The following ENKUR variants were observed in gnomAD, a reference collection of about 807,000 sequenced individuals.
ENKUR encodes the protein enkurin, TRPC channel interacting protein.
In ENKUR, 19 loss-of-function variants were observed where a neutral mutation model predicts 27.6. The observed-to-expected ratio is 0.69, with a 90% CI of 0.48 to 1.01. The LOEUF (loss-of-function observed/expected upper bound fraction) is 1.01, where lower values mean the gene tolerates loss of function less well. Ranked by LOEUF, ENKUR falls within the 50% of genes least tolerant of loss-of-function variation. ENKUR has a pLI of 0.00. For synonymous variants in ENKUR, 117 were observed against 96.9 expected, an observed-to-expected ratio of 1.21 and a Z score of -1.22; for missense variants, 312 against 310.5, an observed-to-expected ratio of 1.00 and a Z score of -0.04.
intron 2 of ENKUR, among the ~76,000 whole-genome samples, chr10:25,045,810 T>A (rs1851115487): frequency 6.6e-6 from 1 of 152,178 alleles, no homozygotes; most frequent in African/African-American, 2.4e-5. Context: ...AAATGCAAGC[T>A]TATGGTGACA....
At chr10:25,057,421 AC>A (rs1564359448) in intron 2 of ENKUR, among the ~76,000 whole-genome samples, 2,295 of 146,468 alleles carry the variant, frequency 0.016, 78 homozygotes, top group African/African-American at 0.055. Flanking sequence ...ACACACACAC[AC>A]ACACACAATG....
At chr10:25,023,761 A>G (rs1449133678) in intron 2 of ENKUR, 1 of 1,613,998 alleles carries the variant, frequency 6.2e-7, no homozygotes, top group South Asian at 1.1e-5. Context: ...GAATTCTGGA[A>G]CATCTATGAA....
At chr10:25,039,773 T>G (rs867385778) in intron 2 of ENKUR, among the ~76,000 whole-genome samples, 2 of 152,108 alleles carry the variant, frequency 1.3e-5, no homozygotes, top group Admixed American at 1.3e-4. Context: ...CAGGAATCTA[T>G]GCAGAACTCA....
intron 2 of ENKUR, among the ~76,000 whole-genome samples, chr10:25,028,936 T>TG (rs1850902396): frequency 6.6e-6 from 1 of 152,222 alleles, no homozygotes; most frequent in African/African-American, 2.4e-5. Context: ...GAGTCATACT[T>TG]TATGTGTTAT....
In ENKUR at chr10:24,988,718, A is replaced by ATATATATATG. The variant is rs1564334755; in HGVS notation, c.594+1744_594+1745insCATATATATA. ...TATATATATATATATATATATATAT[A>ATATATATATG]TATATATATTCCTCATTTTAAAAAT... is the stretch of plus-strand genomic sequence containing the variant. On this transcript the variant is annotated intron_variant, in intron 4 of 5. Coordinates refer to ENST00000331161, the MANE Select transcript of ENKUR (RefSeq NM_145010.4). Among the ~76,000 whole-genome samples the ATATATATATG allele has an allele frequency of 9.9e-4, 47 of 47,702 alleles. 1 individual carries two copies. The highest frequency in any genetic ancestry group is 4.5e-3 in the African/African-American group (45 of 9,914). The allele number at this position is 47,702 out of a possible 152,430, so 31.3% of individuals were successfully genotyped here. A position where few individuals can be genotyped will look rare whatever the true frequency, so the allele number is the denominator to read the frequency against.
intron 2 of ENKUR, among the ~76,000 whole-genome samples, chr10:24,996,665 C>T (rs868201000): frequency 1.3e-5 from 2 of 152,112 alleles, no homozygotes; most frequent in African/African-American, 2.4e-5. Flanking sequence ...CCAATTTTAA[C>T]CCCATCACAA....
intron 4 of ENKUR, among the ~76,000 whole-genome samples, chr10:24,987,867 C>T (rs1849813017): frequency 6.6e-6 from 1 of 152,150 alleles, no homozygotes; most frequent in Non-Finnish European, 1.5e-5. Context: ...CAGTATCCCT[C>T]TGGCTGGAAC....
At chr10:24,997,377 CT>C (rs78966878) in intron 2 of ENKUR, among the ~76,000 whole-genome samples, 10,547 of 138,980 alleles carry the variant, frequency 0.076, 390 homozygotes, top group African/African-American at 0.11. Flanking sequence ...CCCTGCATTC[CT>C]TTTTTTTTTT....
chr10:25,032,793 C>G (rs914628318), intron 2 of ENKUR, among the ~76,000 whole-genome samples: 1 of 152,112 alleles, frequency 6.6e-6, no homozygotes, highest in Non-Finnish European at 1.5e-5. Context: ...CAGCTTATGA[C>G]TTTCCTTTTT....
chr10:25,010,600 C>G (rs976084399), intron 1 of ENKUR, among the ~76,000 whole-genome samples: 1 of 151,328 alleles, frequency 6.6e-6, no homozygotes, highest in Non-Finnish European at 1.5e-5. Flanking sequence ...CCCCCTACCC[C>G]CACCCCACAA....
At chr10:25,045,417 A>C (rs2130477372) in intron 2 of ENKUR, among the ~76,000 whole-genome samples, 1 of 152,356 alleles carries the variant, frequency 6.6e-6, no homozygotes, top group South Asian at 2.1e-4. Flanking sequence ...TAAAAATACA[A>C]GCTGTAGTAG....
intron 1 of ENKUR, among the ~76,000 whole-genome samples, chr10:25,013,432 T>A (rs1294357316): frequency 1.3e-5 from 2 of 152,334 alleles, no homozygotes; most frequent in African/African-American, 2.4e-5. Context: ...CCAACCTTAG[T>A]CAAAATCCAT....
chr10:24,994,194 A>G (rs1849989759), intron 3 of ENKUR, among the ~76,000 whole-genome samples: 1 of 151,616 alleles, frequency 6.6e-6, no homozygotes, highest in South Asian at 2.1e-4. Context: ...GTACATCACT[A>G]TTGCAATTTC....
chr10:25,051,105 C>T (rs1851182752), intron 2 of ENKUR, among the ~76,000 whole-genome samples: 1 of 150,696 alleles, frequency 6.6e-6, no homozygotes, highest in Non-Finnish European at 1.5e-5. Flanking sequence ...AAACAGTACA[C>T]AAAAGCTACA....
At chr10:25,035,134 C>T (rs1424208674) in intron 2 of ENKUR, among the ~76,000 whole-genome samples, 1 of 152,126 alleles carries the variant, frequency 6.6e-6, no homozygotes, top group Admixed American at 6.5e-5. Context: ...TTCCCAAGAC[C>T]TCAGAAAGGT....
intron 1 of ENKUR, among the ~76,000 whole-genome samples, chr10:25,014,894 A>G (rs566624411): frequency 5.0e-4 from 76 of 152,346 alleles, no homozygotes; most frequent in African/African-American, 1.8e-3. Flanking sequence ...ATTGACCATT[A>G]GATCTAAAAG....
chr10:25,010,658 T>C (rs911638994), intron 1 of ENKUR, among the ~76,000 whole-genome samples: 6 of 146,880 alleles, frequency 4.1e-5, no homozygotes, highest in Non-Finnish European at 6.0e-5. Context: ...TGTGTTCTCA[T>C]TGTTCAATTC....
chr10:24,985,242 A>G (rs1564333384), intron 4 of ENKUR, among the ~76,000 whole-genome samples: 1 of 152,228 alleles, frequency 6.6e-6, no homozygotes, highest in Non-Finnish European at 1.5e-5. Flanking sequence ...GTAAAAAACA[A>G]CTTAGAATGA....
In ENKUR at chr10:24,984,382, G is replaced by GAAAA. The variant is rs5783912; in HGVS notation, c.765-10_765-7dup. ...TGTGCTGTTGGTATCATGCGCTGCAGAAAAAAAAAAAAAAAAGTGAAGTTC... is the reference window on the plus strand; with the variant it reads ...TGTGCTGTTGGTATCATGCGCTGCAGAAAAAAAAAAAAAAAAAAAAGTGAAGTTC... On this transcript the variant is annotated splice_polypyrimidine_tract_variant and splice_region_variant and intron_variant, in intron 5 of 5. Coordinates refer to ENST00000331161, the MANE Select transcript of ENKUR (RefSeq NM_145010.4). 2,984 of 1,394,198 alleles carry GAAAA rather than the reference G, an allele frequency of 2.1e-3. 11 individuals carry two copies. The highest frequency in any genetic ancestry group is 7.5e-3 in the South Asian group (474 of 62,972). 86.4% of individuals were successfully genotyped at this position (1,394,198 alleles called of 1,614,324 possible).
Sources: allele counts gnomAD v4.1 joint callset (sites outside exome capture counted in the v4.1 genomes callset), GRCh38; gene constraint gnomAD v4.1.1; transcripts MANE v1.5; gene names NCBI Gene and HGNC (gene_info 2026-07-23, HGNC 2026-07-21).